Variants in TSNARE1 observed in about 807,000 individuals in gnomAD.
TSNARE1 encodes t-SNARE domain containing 1, also known as t-SNARE domain-containing protein 1.
Under a neutral mutation model 62.0 loss-of-function variants are expected in TSNARE1, and 49 were observed. That is an observed-to-expected ratio of 0.79 (90% CI 0.63 to 1.00). The LOEUF (loss-of-function observed/expected upper bound fraction) is 1.00. Among genes scored for constraint, TSNARE1 ranks in the 50% least tolerant of loss-of-function variants. The pLI, the probability that TSNARE1 is intolerant of heterozygous loss-of-function variation, is 0.00. For missense variants in TSNARE1, 755 were observed against 700.1 expected (o/e 1.08, Z -0.88); for synonymous variants, 328 against 294.4 (o/e 1.11, Z -1.17).
chr8:142,322,158 T>G (rs1162490582), intron 6 of TSNARE1, among the ~76,000 whole-genome samples: 1 of 152,218 alleles, frequency 6.6e-6, no homozygotes, highest in Non-Finnish European at 1.5e-5. Flanking sequence ...AAAAACATCT[T>G]AATAAATTAT....
At chr8:142,255,761 TCACCATCACCAC>T (rs1413139284) in intron 12 of TSNARE1, among the ~76,000 whole-genome samples, 4 of 37,730 alleles carry the variant, frequency 1.1e-4, no homozygotes, top group Non-Finnish European at 1.8e-4. Context: ...ACCACCACCA[TCACCATCACCAC>T]CACCATCACC....
At chr8:142,381,920 A>G (rs892954413) in intron 1 of TSNARE1, among the ~76,000 whole-genome samples, 2 of 152,252 alleles carry the variant, frequency 1.3e-5, no homozygotes, top group Admixed American at 6.5e-5. Context: ...GCCACGGCTC[A>G]TGCCCGCACC....
At chr8:142,255,814 G>A (rs1004394970) in intron 12 of TSNARE1, among the ~76,000 whole-genome samples, 25 of 2,546 alleles carry the variant, frequency 9.8e-3, no homozygotes, top group African/African-American at 0.02. Context: ...CACCACCACT[G>A]TCACCATCAC....
At chr8:142,351,058 C>A (rs1000897186) in intron 2 of TSNARE1, among the ~76,000 whole-genome samples, 1 of 152,156 alleles carries the variant, frequency 6.6e-6, no homozygotes, top group Non-Finnish European at 1.5e-5. Flanking sequence ...TTTAGAGACA[C>A]GCTGAAATAT....
intron 12 of TSNARE1, among the ~76,000 whole-genome samples, chr8:142,238,163 C>T (rs116769752): frequency 0.019 from 2,928 of 152,160 alleles, 99 homozygotes; most frequent in African/African-American, 0.067. Context: ...GAAGGAGTGC[C>T]GTCTGTCTCC....
intron 12 of TSNARE1, among the ~76,000 whole-genome samples, chr8:142,230,599 G>C (rs951450216): frequency 2.0e-5 from 3 of 152,108 alleles, no homozygotes; most frequent in Admixed American, 6.5e-5. Flanking sequence ...GGGTAGAGAA[G>C]GGAGGGTAAG....
chr8:142,345,901 A>G lies in TSNARE1; in HGVS notation c.89-9T>C. 1.2e-6 allele frequency: 2 copies of G among 1,611,560 alleles called. No homozygotes were observed. The highest frequency in any genetic ancestry group is 2.2e-5 in the East Asian group (1 of 44,720). ...CCAACATCTAGCGCACTCTACGGAC[A>G]GCAAGGGACAGTCACGATTACTCTC... On this transcript the variant is annotated splice_polypyrimidine_tract_variant and intron_variant, in intron 2 of 13. Coordinates refer to ENST00000524325, the MANE Select transcript of TSNARE1 (RefSeq NM_145003.5).
At chr8:142,339,338 C>T (rs1449036270) in intron 4 of TSNARE1, among the ~76,000 whole-genome samples, 1 of 152,002 alleles carries the variant, frequency 6.6e-6, no homozygotes, top group Non-Finnish European at 1.5e-5. Flanking sequence ...TGTGTGACGG[C>T]TCTTGTTACA....
intron 6 of TSNARE1, among the ~76,000 whole-genome samples, chr8:142,328,126 TAAAGA>T (rs1442601424): frequency 6.6e-6 from 1 of 151,888 alleles, no homozygotes; most frequent in Non-Finnish European, 1.5e-5. Context: ...CCCTTCTTAC[TAAAGA>T]ATATATCATA....
chr8:142,300,344 T>C (rs1438614595), intron 10 of TSNARE1, 142 bp downstream of exon 10: 2 of 936,164 alleles, frequency 2.1e-6, no homozygotes, highest in South Asian at 2.0e-5. Context: ...GTGGTTAGAA[T>C]GGGCAAGGCC....
At chr8:142,310,024 G>A (rs1827315588) in intron 9 of TSNARE1, among the ~76,000 whole-genome samples, 1 of 150,534 alleles carries the variant, frequency 6.6e-6, no homozygotes, top group South Asian at 2.1e-4. Context: ...TAACATCCCT[G>A]CGTTTTTCTT....
At position 142,341,758 on chromosome 8, in the gene TSNARE1, G is replaced by C. The variant is rs184841842; in HGVS notation, c.745+2208C>G. Among the ~76,000 whole-genome samples, 25 of 152,324 alleles carry C rather than the reference G, an allele frequency of 1.6e-4. No individual in the cohort carries two copies. In the East Asian group the frequency reaches 4.4e-3, roughly 27 times the overall value. On this transcript the variant is annotated intron_variant, in intron 4 of 13. Transcript: ENST00000524325. ...TCCTGCAGCCCAGGCCTTTTGCGGA[G>C]TACCACAGACTGTGTCTCTAACTTT...
intron 12 of TSNARE1, among the ~76,000 whole-genome samples, chr8:142,266,572 A>G (rs141826878): frequency 4.1e-4 from 63 of 152,310 alleles, no homozygotes; most frequent in Admixed American, 6.5e-4. Flanking sequence ...TCTGCTGCCA[A>G]TGTAATGTGA....
chr8:142,227,131 A>G (rs1816847481), intron 13 of TSNARE1, among the ~76,000 whole-genome samples: 1 of 141,790 alleles, frequency 7.1e-6, no homozygotes, highest in African/African-American at 2.8e-5. Flanking sequence ...CAGAACCCCC[A>G]CTGCACCCAC....
intron 2 of TSNARE1, among the ~76,000 whole-genome samples, chr8:142,349,766 T>C (rs1169485599): frequency 2.0e-5 from 3 of 152,208 alleles, no homozygotes; most frequent in Non-Finnish European, 4.4e-5. Flanking sequence ...GACACATCCA[T>C]CTGCATGACC....
intron 12 of TSNARE1, among the ~76,000 whole-genome samples, chr8:142,256,611 T>TCAC (rs1188048549): frequency 3.6e-5 from 5 of 140,254 alleles, no homozygotes; most frequent in South Asian, 2.4e-4. Flanking sequence ...ATCACCATCA[T>TCAC]CACCACCACC....
At chr8:142,279,947 G>A in intron 11 of TSNARE1, 2 of 1,106,434 alleles carry the variant, frequency 1.8e-6, no homozygotes, top group South Asian at 2.0e-5. Context: ...GGTGTGAGGA[G>A]GAGGCCGGGG....
chr8:142,342,491 G>T (rs573026839), intron 4 of TSNARE1, among the ~76,000 whole-genome samples: 1 of 152,232 alleles, frequency 6.6e-6, no homozygotes, highest in African/African-American at 2.4e-5. Flanking sequence ...GTGCTCTAGG[G>T]ACCCATCCAG....
At chr8:142,231,106 G>A (rs1421175145) in intron 12 of TSNARE1, among the ~76,000 whole-genome samples, 1 of 151,924 alleles carries the variant, frequency 6.6e-6, no homozygotes, top group Admixed American at 6.6e-5. Flanking sequence ...CTTCTACCCA[G>A]CTGTCCATCA....
Sources: gnomAD v4.1 joint callset for allele counts (sites outside exome capture counted in the v4.1 genomes callset) on GRCh38, gnomAD v4.1.1 for gene constraint, MANE v1.5 for transcripts, NCBI Gene and HGNC (gene_info 2026-07-23, HGNC 2026-07-21) for gene names.